The following FN1 variants were observed in gnomAD, a reference collection of about 807,000 sequenced individuals.
The protein encoded by FN1 is fibronectin 1, also known as fibronectin.
In FN1, 106 loss-of-function variants were observed where a neutral mutation model predicts 297.3. That is an observed-to-expected ratio of 0.36 (90% confidence interval 0.30 to 0.42). The LOEUF (loss-of-function observed/expected upper bound fraction) is 0.42, where lower values mean the gene tolerates loss of function less well. FN1 is among the 10% of genes least tolerant of loss of function. The pLI is 1.00. For missense variants in FN1, 2,690 were observed against 3,124.9 expected (o/e 0.86, Z 3.32); for synonymous variants, 1,149 against 1,152.6 (o/e 1.00, Z 0.06).
intron 2 of FN1, 118 bp from the exon 3 acceptor site, chr2:215,433,579 A>G (rs1046668927): frequency 2.0e-6 from 2 of 1,003,058 alleles, no homozygotes; most frequent in Admixed American, 4.0e-5. Flanking sequence ...GTACACCTCA[A>G]AGAATAAAAT....
At chr2:215,404,741 G>A (rs1488113848) in intron 19 of FN1, 86 bp from the exon 20 acceptor site, 2 of 1,262,216 alleles carry the variant, frequency 1.6e-6, no homozygotes, top group Non-Finnish European at 2.3e-6. Flanking sequence ...GAATGTCTAA[G>A]TTTTCTCTCC....
chr2:215,381,171 A>G (rs772158673), intron 32 of FN1, 91 bp from the exon 33 acceptor site: 6 of 1,269,082 alleles, frequency 4.7e-6, no homozygotes, highest in Non-Finnish European at 6.9e-6. Flanking sequence ...TGCAGATACC[A>G]TTTTCTTTGA....
At position 215,423,435 on chromosome 2, in the gene FN1, A is replaced by C. The variant is rs2064794814; in HGVS notation, c.1308T>G (p.Ser436=). The change falls in exon 9 of 46, where the codon TCT becomes TCG. Residue 436 remains serine, a synonymous_variant. Transcript: ENST00000354785. The part of the protein sequence containing the change: ...YNNHNYTDCT[S]EGRRDNMKWC... ...ACTTCATGTTGTCTCTTCTGCCCTC[A>C]GAAGTGCAATCAGTGTAATTGTGGT... 8.7e-6 allele frequency: 14 copies of C among 1,614,094 alleles called. No individual in the cohort carries two copies. The highest frequency in any genetic ancestry group is 1.2e-5 in the Non-Finnish European group (14 of 1,180,040).
chr2:215,401,231 A>AAGGAAGGAAGGAAGGAAGG (rs1559474823), intron 20 of FN1, among the ~76,000 whole-genome samples: 11 of 57,890 alleles, frequency 1.9e-4, no homozygotes, highest in African/African-American at 7.6e-4. Context: ...AGAAAGAAAG[A>AAGGAAGGAAGGAAGGAAGG]AAGAAAGAAA....
At chr2:215,425,370 A>C in intron 6 of FN1, 85 bp from the exon 7 acceptor site, 1,754 of 1,285,010 alleles carry the variant, frequency 1.4e-3, no homozygotes, top group Middle Eastern at 2.1e-3. Context: ...TCAGGATCTC[A>C]CAGAGATCAC....
Position 215,381,593 on chromosome 2 carries a change from C to T in FN1, c.5165-513G>A, listed in dbSNP as rs532860290. The T allele has an allele frequency of 8.9e-5, 19 of 212,640 alleles. No individual in the cohort carries two copies. The South Asian group carries it at 1.1e-3, about 12-fold the overall frequency. The allele number at this position is 212,640 out of a possible 1,614,324, so 13.2% of individuals were successfully genotyped here. A position where few individuals can be genotyped will look rare whatever the true frequency, so the allele number is the denominator to read the frequency against. ...GGTCCAAGTGATTCTTCTGCCTCAG[C>T]CTCCTGAGTAGCTGGGATTACAGGC... On this transcript the variant is annotated intron_variant, in intron 32 of 45. Transcript: ENST00000354785.
intron 6 of FN1, 49 bp from the exon 7 acceptor site, chr2:215,425,334 T>C (rs771391172): frequency 6.5e-7 from 1 of 1,544,578 alleles, no homozygotes; most frequent in South Asian, 1.1e-5. Context: ...GAGAAGACAA[T>C]TCACTACTTT....
chr2:215,383,805 G>A lies in FN1; in HGVS notation c.4894+215C>T, dbSNP rs16853904. 0.012 allele frequency among the ~76,000 whole-genome samples: 1,809 copies of A among 152,206 alleles called. 25 individuals carry two copies. The highest frequency in any genetic ancestry group is 0.041 in the African/African-American group (1,687 of 41,522). On this transcript the variant is annotated intron_variant, in intron 30 of 45. Transcript: ENST00000354785. ...TATGCCTGTCGTATTGCAGACATGC[G>A]GAATATATCGACAAAACTGACTGAA...
chr2:215,407,941 T>TCC (rs1183551427), intron 17 of FN1, among the ~76,000 whole-genome samples, 167 bp downstream of exon 17: 9 of 32,586 alleles, frequency 2.8e-4, no homozygotes, highest in African/African-American at 4.5e-4. Context: ...AGAAAATAAC[T>TCC]CCCCCACCCC....
At position 215,434,010 on chromosome 2, in the gene FN1, G is replaced by A. The variant is rs187215246; in HGVS notation, c.278-549C>T. ...CCAGCTACTCAGGAGGCTGAGGCAG[G>A]AGAATTGCTTGAACCCTGGAGGCAG... On this transcript the variant is annotated intron_variant, in intron 2 of 45. Transcript: ENST00000354785. Among the ~76,000 whole-genome samples, 164 of 152,354 alleles carry A rather than the reference G, an allele frequency of 1.1e-3. 1 individual carries two copies. The highest frequency in any genetic ancestry group is 0.01 in the Middle Eastern group (3 of 294).
chr2:215,432,073 ACAACAGCT>A, intron 3 of FN1, 109 bp from the exon 4 acceptor site: 2 of 1,277,086 alleles, frequency 1.6e-6, no homozygotes, highest in Non-Finnish European at 2.3e-6. Flanking sequence ...AGAGACACAG[ACAACAGCT>A]TTCCCATCAG....
intron 30 of FN1, among the ~76,000 whole-genome samples, 184 bp from the exon 31 acceptor site, chr2:215,383,667 A>G (rs1485494611): frequency 6.6e-6 from 1 of 152,192 alleles, no homozygotes; most frequent in Non-Finnish European, 1.5e-5. Context: ...ACCATTTCCT[A>G]TTTTTGAGAT....
At position 215,370,306 on chromosome 2, in the gene FN1, C is replaced by A; in HGVS notation, c.6841G>T (p.Val2281Leu). ...CGTGTTTACATACCAGAGTTGCCCA[C>A]GGTAACAACCTCTTCCCGAACCTTA... ...RHKVREEVVT[V>L]GNSVNEGLNQ... is the part of the protein sequence containing the mutation. Residue 2281 changes from valine (V) to leucine (L), a missense_variant, in exon 41 of 46, where the codon GTG (valine) becomes TTG (leucine). Physicochemically the swap from Val to Leu is conservative, Grantham distance 32 (BLOSUM62 1). Around this residue, in one of 3 missense-constraint regions of FN1, gnomAD observed 1,743 missense variants for 1,945.2 expected, o/e 0.90. Coordinates refer to ENST00000354785, the MANE Select transcript of FN1 (RefSeq NM_212482.4). 1 of 1,613,974 alleles carries A rather than the reference C, an allele frequency of 6.2e-7. No homozygotes were observed. The highest frequency in any genetic ancestry group is 1.1e-5 in the South Asian group (1 of 91,074).
chr2:215,391,582 T>G (rs770570742), intron 26 of FN1, 50 bp downstream of exon 26: 20 of 1,507,888 alleles, frequency 1.3e-5, no homozygotes, highest in Non-Finnish European at 1.7e-5. Context: ...AGAATTCATT[T>G]GCTATGCTCT....
intron 23 of FN1, among the ~76,000 whole-genome samples, chr2:215,396,244 T>G (rs1156960822): frequency 6.6e-6 from 1 of 152,220 alleles, no homozygotes; most frequent in African/African-American, 2.4e-5. Flanking sequence ...AAGAATGCAA[T>G]CAACATTAAT....
intron 28 of FN1, 95 bp downstream of exon 28, chr2:215,386,594 T>TTTTA: frequency 3.2e-6 from 1 of 311,170 alleles, no homozygotes; most frequent in Non-Finnish European, 5.4e-6. Context: ...TTTTTTTTTT[T>TTTTA]GAGAGCTGAT....
intron 5 of FN1, among the ~76,000 whole-genome samples, chr2:215,428,745 G>A (rs112030153): frequency 5.3e-4 from 80 of 152,252 alleles, no homozygotes; most frequent in African/African-American, 1.7e-3. Context: ...CAGGCTAAGC[G>A]CGGTGGCTCA....
chr2:215,376,529 G>C lies in FN1; in HGVS notation c.5856C>G (p.Ile1952Met). ...ANGQTPIQRTIKPDVRSYTIT... is the reference protein window; with the variant it reads ...ANGQTPIQRTMKPDVRSYTIT... ...TGGTGTAGCTTCTGACATCTGGCTT[G>C]ATGGTTCTCTGGATTGGAGTCTGGC... is the stretch of plus-strand genomic sequence containing the variant. Residue 1952 changes from isoleucine to methionine, a missense_variant, in exon 36 of 46, where the codon ATC becomes ATG. By Grantham distance (10) the Ile-to-Met change is conservative. Coordinates refer to ENST00000354785, the MANE Select transcript of FN1 (RefSeq NM_212482.4). 1 of 1,614,136 alleles carries C rather than the reference G, an allele frequency of 6.2e-7. No individual in the cohort carries two copies. Among genetic ancestry groups the C allele is most frequent in the Non-Finnish European group, 8.5e-7 (1 of 1,180,004 alleles).
rs1559334243 is a variant in FN1 at position 215,370,309 on chromosome 2, TAAC to T, written c.6835_6837del (p.Val2279del). 17 of 1,613,926 alleles carry T rather than the reference TAAC, an allele frequency of 1.1e-5. No homozygotes were observed. Among genetic ancestry groups the T allele is most frequent in the South Asian group, 4.4e-5 (4 of 91,060 alleles). On this transcript the variant is annotated inframe_deletion, in exon 41 of 46. Transcript: ENST00000354785. ...GTTTACATACCAGAGTTGCCCACGG[TAAC>T]AACCTCTTCCCGAACCTTATGCCTC... is the stretch of plus-strand genomic sequence containing the variant.
Sources: gnomAD v4.1 joint callset for allele counts (sites outside exome capture counted in the v4.1 genomes callset) on GRCh38, gnomAD v4.1.1 for gene constraint, gnomAD v4.1.1 regional missense constraint, MANE v1.5 for transcripts, NCBI Gene and HGNC (gene_info 2026-07-23, HGNC 2026-07-21) for gene names.